The following NCKAP5 variants were observed in gnomAD, a reference collection of about 807,000 sequenced individuals.
The protein encoded by NCKAP5 is NCK associated protein 5.
In NCKAP5, 92 loss-of-function variants were observed where a neutral mutation model predicts 167.0. The observed-to-expected ratio is 0.55, with a 90% CI of 0.47 to 0.66. The LOEUF is 0.66. Ranked by LOEUF, NCKAP5 falls within the 30% of genes least tolerant of loss-of-function variation. The probability of loss-of-function intolerance (pLI) is 0.00; values close to 1 mark genes in which losing one functional copy is unlikely to be tolerated. For missense variants in NCKAP5, 2,378 were observed against 2,315.0 expected, an observed-to-expected ratio of 1.03 and a Z score of -0.56; for synonymous variants, 891 against 877.4, an observed-to-expected ratio of 1.02 and a Z score of -0.27.
intron 8 of NCKAP5, among the ~76,000 whole-genome samples, 193 bp downstream of exon 8, chr2:132,963,524 AAAC>A (rs1292295335): frequency 6.6e-6 from 1 of 152,172 alleles, no homozygotes; most frequent in African/African-American, 2.4e-5. Flanking sequence ...ACTCCTTTTA[AAAC>A]AACATTAGGT....
chr2:132,911,580 T>C (rs1479179398), intron 8 of NCKAP5, among the ~76,000 whole-genome samples: 2 of 152,236 alleles, frequency 1.3e-5, no homozygotes, highest in Non-Finnish European at 2.9e-5. Context: ...AATATCTCAC[T>C]GTGACCTCCC....
chr2:133,665,330 C>T, the NCKAP5 span, among the ~76,000 whole-genome samples: 1 of 152,172 alleles, frequency 6.6e-6, no homozygotes, highest in Admixed American at 6.5e-5. Context: ...CTTCCTTTCA[C>T]TTGAACACTT....
chr2:132,946,985 T>C (rs1420629273), intron 8 of NCKAP5, among the ~76,000 whole-genome samples: 1 of 152,180 alleles, frequency 6.6e-6, no homozygotes, highest in Non-Finnish European at 1.5e-5. Flanking sequence ...TCAAAATGGA[T>C]GAAAAAAGTT....
intron 6 of NCKAP5, among the ~76,000 whole-genome samples, chr2:133,045,151 C>A (rs899975350): frequency 4.6e-5 from 7 of 151,244 alleles, no homozygotes; most frequent in Non-Finnish European, 7.4e-5. Flanking sequence ...TTTGTAAGAG[C>A]CACAAAGAAA....
Position 132,830,791 on chromosome 2 carries a change from G to A in NCKAP5, c.807+29701C>T, listed in dbSNP as rs143889352. The stretch of plus-strand genomic sequence containing the variant: ...TGACAAGGATCAGTAGCATTTCATG[G>A]TCTTTTAATTTTTAAAAACTATACA... On this transcript the variant is annotated intron_variant, in intron 11 of 19. Transcript: ENST00000409261. Among the ~76,000 whole-genome samples the A allele has an allele frequency of 4.7e-4, 72 of 152,258 alleles. 1 individual carries two copies. The highest frequency in any genetic ancestry group is 1.4e-3 in the African/African-American group (58 of 41,552).
At chr2:133,389,066 C>T (rs2150982205) in intron 3 of NCKAP5, among the ~76,000 whole-genome samples, 1 of 152,282 alleles carries the variant, frequency 6.6e-6, no homozygotes, top group South Asian at 2.1e-4. Context: ...CCGACAAGCC[C>T]CAGTGAGATG....
chr2:132,745,346 A>C (rs1179981689), intron 16 of NCKAP5, among the ~76,000 whole-genome samples: 1 of 151,774 alleles, frequency 6.6e-6, no homozygotes, highest in African/African-American at 2.4e-5. Context: ...TTATCTCAAA[A>C]TACATAGAAA....
At chr2:133,478,264 T>C (rs1281671284) in intron 3 of NCKAP5, among the ~76,000 whole-genome samples, 1 of 152,232 alleles carries the variant, frequency 6.6e-6, no homozygotes, top group Non-Finnish European at 1.5e-5. Flanking sequence ...ACTTTTGCAA[T>C]ATTACTGATA....
chr2:133,158,730 A>G (rs2083672035), intron 5 of NCKAP5, among the ~76,000 whole-genome samples: 1 of 152,156 alleles, frequency 6.6e-6, no homozygotes, highest in Non-Finnish European at 1.5e-5. Flanking sequence ...TTAACAAAAC[A>G]ATCTTTCCAA....
chr2:133,151,415 T>C (rs571485807), intron 5 of NCKAP5, among the ~76,000 whole-genome samples: 31 of 151,940 alleles, frequency 2.0e-4, no homozygotes, highest in Non-Finnish European at 4.1e-4. Context: ...AAGAGATGGG[T>C]ATACAAAATA....
intron 4 of NCKAP5, among the ~76,000 whole-genome samples, chr2:133,218,460 C>A (rs1327255325): frequency 1.3e-5 from 2 of 152,120 alleles, no homozygotes; most frequent in Non-Finnish European, 2.9e-5. Context: ...AGGCAAATAT[C>A]ATCTTAGTGT....
chr2:133,618,653 C>A, the NCKAP5 span, among the ~76,000 whole-genome samples: 3 of 152,158 alleles, frequency 2.0e-5, no homozygotes, highest in African/African-American at 7.2e-5. Context: ...AGTCAGCAAA[C>A]AACAGGTGCT....
chr2:133,087,952 G>C (rs2149620234), intron 6 of NCKAP5, among the ~76,000 whole-genome samples: 1 of 152,270 alleles, frequency 6.6e-6, no homozygotes, highest in Non-Finnish European at 1.5e-5. Context: ...TCTAGTGGGA[G>C]AGAGATCACT....
At chr2:133,258,792 A>C (rs1156608223) in intron 4 of NCKAP5, among the ~76,000 whole-genome samples, 1 of 152,060 alleles carries the variant, frequency 6.6e-6, no homozygotes, top group Non-Finnish European at 1.5e-5. Flanking sequence ...AACCAAAAGT[A>C]ACAGATTCAG....
chr2:133,466,994 C>G (rs1304848760), intron 3 of NCKAP5, among the ~76,000 whole-genome samples: 1 of 151,850 alleles, frequency 6.6e-6, no homozygotes. Context: ...AATTGAATAC[C>G]CTTTATTTCC....
At chr2:133,542,718 G>C (rs1436725385) in intron 2 of NCKAP5, among the ~76,000 whole-genome samples, 1 of 152,062 alleles carries the variant, frequency 6.6e-6, no homozygotes, top group Non-Finnish European at 1.5e-5. Context: ...TATGTATTAC[G>C]TTCTTGTCAT....
chr2:133,498,660 GA>G (rs905791708), intron 3 of NCKAP5, among the ~76,000 whole-genome samples: 7 of 148,882 alleles, frequency 4.7e-5, no homozygotes, highest in East Asian at 2.0e-4. Flanking sequence ...AATAAAGAAA[GA>G]AAAAAAAAGA....
chr2:132,875,235 G>T (rs779660120), intron 9 of NCKAP5, among the ~76,000 whole-genome samples: 1 of 152,134 alleles, frequency 6.6e-6, no homozygotes, highest in African/African-American at 2.4e-5. Flanking sequence ...TATTTTTAAA[G>T]GTCCCCAGGT....
At chr2:133,192,729 C>CA (rs1282528092) in intron 5 of NCKAP5, among the ~76,000 whole-genome samples, 2 of 151,744 alleles carry the variant, frequency 1.3e-5, no homozygotes, top group Admixed American at 6.6e-5. Flanking sequence ...GAAAGGCTAA[C>CA]AAAAAAACAG....
Sources: gnomAD v4.1 joint callset for allele counts (sites outside exome capture counted in the v4.1 genomes callset) on GRCh38, gnomAD v4.1.1 for gene constraint, MANE v1.5 for transcripts, NCBI Gene and HGNC (gene_info 2026-07-23, HGNC 2026-07-21) for gene names.